Variants in ATP11C observed in about 807,000 individuals in gnomAD.
ATP11C encodes the protein phospholipid-transporting ATPase IG.
A neutral mutation model predicts 97.4 loss-of-function variants in ATP11C; 36 were observed. The observed-to-expected ratio is 0.37, with a 90% confidence interval of 0.28 to 0.49. The LOEUF (loss-of-function observed/expected upper bound fraction) is 0.49. Ranked by LOEUF, ATP11C falls within the 20% of genes least tolerant of loss-of-function variation. ATP11C has a pLI of 0.98. For missense variants in ATP11C, 730 were observed against 824.6 expected, an observed-to-expected ratio of 0.89 and a Z score of 1.40; for synonymous variants, 275 against 290.9, an observed-to-expected ratio of 0.95 and a Z score of 0.56.
rs1184363900 is a variant in ATP11C, at chrX:139,749,880, G to A, written c.2828+145C>T. 9.3e-6 allele frequency: 5 copies of A among 540,193 alleles called. No homozygotes were observed. The South Asian group carries it at 1.6e-4, about 17-fold the overall frequency. The allele number at this position is 540,193 out of a possible 1,213,427, so 44.5% of individuals were successfully genotyped here. On this transcript the variant is annotated intron_variant, in intron 24 of 29. Transcript: ENST00000682941. ...ATGTCATTTTCCTGTTGAGCAGTCT[G>A]CTTTCAATAGCTAAAAATTCCAAAC...
At chrX:139,795,701 G>A (rs895874496) in intron 12 of ATP11C, among the ~76,000 whole-genome samples, 1 of 111,853 alleles carries the variant, frequency 8.9e-6, no homozygotes, top group East Asian at 2.8e-4. Context: ...AAATGCACCT[G>A]GGTTAGAATG....
At position 139,741,078 on chromosome X, in the gene ATP11C, C is replaced by T. The variant is rs756474288; in HGVS notation, c.3047G>A (p.Arg1016Gln). The change falls in exon 27 of 30, where the codon CGA becomes CAA. Residue 1016 changes from arginine to glutamine, a missense_variant. Coordinates refer to ENST00000682941, the MANE Select transcript of ATP11C (RefSeq NM_001353812.2). ...TVTLKLALDT[R>Q]FWTWINHFVI... The stretch of plus-strand genomic sequence containing the variant: ...AAAGTGATTTATCCACGTCCAGAAT[C>T]GGGTATCCAAGGCAAGCTGAAAAGA... 11 of 1,200,348 alleles carry T rather than the reference C, an allele frequency of 9.2e-6. No individual in the cohort carries two copies. The highest frequency in any genetic ancestry group is 8.9e-5 in the East Asian group (3 of 33,732).
At chrX:139,935,850 C>T (rs1313018751), upstream of ATP11C, among the ~76,000 whole-genome samples, 3 of 110,753 alleles carry the variant, frequency 2.7e-5, no homozygotes, top group East Asian at 2.9e-4. Context: ...ATTAGCTGGG[C>T]GTGGTGGCAC....
Position 139,931,868 on chromosome X carries a change from C to T in ATP11C, c.27+148G>A, listed in dbSNP as rs1347471905. 7 of 737,606 alleles carry T rather than the reference C, an allele frequency of 9.5e-6. No homozygotes were observed. In the South Asian group the frequency reaches 1.9e-4, roughly 20 times the overall value. 60.8% of individuals were successfully genotyped at this position (737,606 alleles called of 1,213,427 possible). A position where few individuals can be genotyped will look rare whatever the true frequency, so the allele number is the denominator to read the frequency against. ...TGCCTCCCCTCCCCGGCCGCCTGGG[C>T]ACCGTGTTTCGGTGAAAAGGAAGAA... On this transcript the variant is annotated intron_variant, in intron 1 of 29. Transcript: ENST00000682941.
chrX:139,797,389 C>G, intron 10 of ATP11C, 63 bp from the exon 11 acceptor site: 4 of 885,622 alleles, frequency 4.5e-6, no homozygotes, highest in Non-Finnish European at 6.2e-6. Context: ...AATTAAACTA[C>G]TGAGTCATCT....
chrX:139,764,364 A>G (rs2082094945), intron 20 of ATP11C, among the ~76,000 whole-genome samples: 1 of 112,579 alleles, frequency 8.9e-6, no homozygotes, highest in African/African-American at 3.2e-5. Flanking sequence ...TTTCTTCAAG[A>G]TGTATAAATG....
At chrX:139,874,633 G>T (rs902248522) in intron 1 of ATP11C, among the ~76,000 whole-genome samples, 2 of 111,695 alleles carry the variant, frequency 1.8e-5, no homozygotes, top group African/African-American at 6.5e-5. Flanking sequence ...TTGAATCCAG[G>T]TTTTCTCAAA....
At chrX:139,799,348 C>G (rs1023911695) in intron 8 of ATP11C, among the ~76,000 whole-genome samples, 1 of 111,439 alleles carries the variant, frequency 9.0e-6, no homozygotes, top group Non-Finnish European at 1.9e-5. Context: ...TTTAATGAAG[C>G]CTTTCATTTT....
At chrX:139,790,458 T>TCTCA (rs1283554593) in intron 12 of ATP11C, among the ~76,000 whole-genome samples, 1 of 95,172 alleles carries the variant, frequency 1.1e-5, no homozygotes, top group Non-Finnish European at 2.0e-5. Context: ...TCTCTCTCTC[T>TCTCA]CTCACTCACA....
chrX:139,920,924 T>A (rs1191788769), intron 1 of ATP11C, among the ~76,000 whole-genome samples: 1 of 111,476 alleles, frequency 9.0e-6, no homozygotes, highest in East Asian at 2.8e-4. Flanking sequence ...GGTGTGGGCA[T>A]GAAGAAAGGT....
At chrX:139,772,446 C>T (rs1159546271) in intron 19 of ATP11C, among the ~76,000 whole-genome samples, 1 of 111,498 alleles carries the variant, frequency 9.0e-6, no homozygotes, top group African/African-American at 3.3e-5. Flanking sequence ...AAGAGGGCCA[C>T]CATCCTCCAG....
chrX:139,876,713 T>C lies in ATP11C; in HGVS notation c.28-49890A>G, dbSNP rs770648807. The stretch of plus-strand genomic sequence containing the variant: ...CCTACCTCAAAGGATTTGAGAGGAC[T>C]CCAGGAGGTAACGATGTAGAAAGTG... On this transcript the variant is annotated intron_variant, in intron 1 of 29. Transcript: ENST00000682941. 8.9e-5 allele frequency among the ~76,000 whole-genome samples: 10 copies of C among 112,224 alleles called. No homozygotes were observed. The South Asian group carries it at 3.7e-3, about 41-fold the overall frequency.
At chrX:139,796,227 T>C in intron 12 of ATP11C, 46 bp downstream of exon 12, 1 of 995,657 alleles carries the variant, frequency 1.0e-6, no homozygotes, top group South Asian at 2.7e-5. Context: ...CAAAAAGATA[T>C]TTTCACTACG....
intron 12 of ATP11C, among the ~76,000 whole-genome samples, chrX:139,792,285 T>C (rs777087180): frequency 9.0e-6 from 1 of 111,365 alleles, no homozygotes; most frequent in East Asian, 2.8e-4. Context: ...GGAAGCTCCA[T>C]GGAAGCTCCA....
intron 1 of ATP11C, among the ~76,000 whole-genome samples, chrX:139,856,535 G>A (rs2084092620): frequency 8.9e-6 from 1 of 112,482 alleles, no homozygotes; most frequent in Non-Finnish European, 1.9e-5. Context: ...TAGTCCAATT[G>A]GCTATCCCTT....
chrX:139,852,563 G>T (rs935598496), intron 1 of ATP11C, among the ~76,000 whole-genome samples: 1 of 100,347 alleles, frequency 1.0e-5, no homozygotes, highest in Non-Finnish European at 2.0e-5. Context: ...GATAAGCCGC[G>T]GGAGCCGTAA....
intron 1 of ATP11C, among the ~76,000 whole-genome samples, chrX:139,827,598 G>C (rs2083558370): frequency 9.0e-6 from 1 of 110,967 alleles, no homozygotes; most frequent in African/African-American, 3.3e-5. Flanking sequence ...ATAAATTTGG[G>C]ACAGTCTCCT....
intron 23 of ATP11C, 111 bp from the exon 24 acceptor site, chrX:139,750,263 A>C (rs2081785318): frequency 1.3e-6 from 1 of 758,277 alleles, no homozygotes; most frequent in African/African-American, 2.1e-5. Flanking sequence ...ATTTTTTTAC[A>C]TGCTTTTGGT....
chrX:139,777,965 C>T lies in ATP11C; in HGVS notation c.1953-3012G>A, dbSNP rs148968051. Among the ~76,000 whole-genome samples the T allele has an allele frequency of 5.7e-3, 627 of 109,606 alleles. 10 individuals carry two copies. The highest frequency in any genetic ancestry group is 0.019 in the African/African-American group (575 of 30,041). On this transcript the variant is annotated intron_variant, in intron 18 of 29. Transcript: ENST00000682941. ...GTAACTTCTGGGCTCAAGCAATCCTCCCACCTCAGCCTCCCAAGCAGCTGA... is the reference window on the plus strand; with the variant it reads ...GTAACTTCTGGGCTCAAGCAATCCTTCCACCTCAGCCTCCCAAGCAGCTGA...
Sources: gnomAD v4.1 joint callset for allele counts (sites outside exome capture counted in the v4.1 genomes callset) on GRCh38, gnomAD v4.1.1 for gene constraint, MANE v1.5 for transcripts, NCBI Gene and HGNC (gene_info 2026-07-23, HGNC 2026-07-21) for gene names.